Variants in ROBO2 observed in about 807,000 individuals in gnomAD.
ROBO2 encodes the protein roundabout homolog 2.
Under a neutral mutation model 160.8 loss-of-function variants are expected in ROBO2, and 53 were observed. That is an observed-to-expected ratio of 0.33 (90% CI 0.26 to 0.41). ROBO2 has a LOEUF of 0.41. ROBO2 is among the 10% of genes least tolerant of loss of function. The pLI, the probability that ROBO2 is intolerant of heterozygous loss-of-function variation, is 1.00. For synonymous variants in ROBO2, 664 were observed against 611.7 expected (o/e 1.09, Z -1.26); for missense variants, 1,577 against 1,722.4 (o/e 0.92, Z 1.49).
intron 13 of ROBO2, among the ~76,000 whole-genome samples, chr3:77,569,408 G>T (rs751069232): frequency 6.6e-6 from 1 of 151,770 alleles, no homozygotes. Flanking sequence ...GTTTTGATTT[G>T]CATTTCTTTA....
chr3:76,976,370 G>A (rs2059817161), intron 2 of ROBO2, among the ~76,000 whole-genome samples: 3 of 152,244 alleles, frequency 2.0e-5, no homozygotes, highest in Admixed American at 6.5e-5. Flanking sequence ...GCCCACAGAT[G>A]CTCATTGTCA....
At chr3:76,787,263 T>G (rs575382120) in intron 2 of ROBO2, among the ~76,000 whole-genome samples, 2 of 151,090 alleles carry the variant, frequency 1.3e-5, no homozygotes, top group African/African-American at 2.4e-5. Context: ...ATCTGAATTT[T>G]TATAATCTTC....
chr3:76,297,306 C>G (rs544041387), intron 2 of ROBO2, among the ~76,000 whole-genome samples: 2 of 152,264 alleles, frequency 1.3e-5, no homozygotes, highest in East Asian at 3.9e-4. Flanking sequence ...GTTAACACAC[C>G]TACTTGGAGA....
intron 2 of ROBO2, among the ~76,000 whole-genome samples, chr3:76,568,329 G>A (rs917385943): frequency 1.3e-4 from 19 of 151,700 alleles, no homozygotes; most frequent in Admixed American, 4.6e-4. Flanking sequence ...GCGGAGTCTC[G>A]CTCTGTCACC....
At chr3:76,613,100 T>C (rs577686404) in intron 2 of ROBO2, among the ~76,000 whole-genome samples, 1 of 152,296 alleles carries the variant, frequency 6.6e-6, no homozygotes, top group East Asian at 1.9e-4. Context: ...AGTCCATAGA[T>C]ATTCAATGTC....
intron 2 of ROBO2, among the ~76,000 whole-genome samples, chr3:76,312,796 A>G (rs1386964744): frequency 6.6e-6 from 1 of 152,246 alleles, no homozygotes; most frequent in Non-Finnish European, 1.5e-5. Flanking sequence ...AAACTTAAGC[A>G]GTAAACTTTG....
chr3:75,921,659 G>T (rs1947063553), intron 1 of ROBO2, among the ~76,000 whole-genome samples: 1 of 152,120 alleles, frequency 6.6e-6, no homozygotes, highest in South Asian at 2.1e-4. Flanking sequence ...AGATGTGCAT[G>T]TACACAAGTG....
intron 2 of ROBO2, among the ~76,000 whole-genome samples, chr3:76,174,726 C>G (rs558537990): frequency 1.3e-5 from 2 of 152,156 alleles, no homozygotes; most frequent in Non-Finnish European, 2.9e-5. Flanking sequence ...GTCTATATAT[C>G]TGTTTTGGTA....
At position 77,097,416 on chromosome 3, in the gene ROBO2, A is replaced by G. The variant is rs141236188; in HGVS notation, c.62-598A>G. ...TCTATGCAGCGTATTGCATTTTAAC[A>G]TACGGATTTATACTTGAGCTCTTCA... On this transcript the variant is annotated intron_variant, in intron 1 of 25. Coordinates refer to ENST00000461745, the Ensembl canonical transcript of ROBO2. 3.2e-4 allele frequency among the ~76,000 whole-genome samples: 48 copies of G among 152,214 alleles called. 1 individual carries two copies. The East Asian group carries it at 9.3e-3, about 29-fold the overall frequency.
At chr3:77,135,168 A>G (rs1230080085) in intron 2 of ROBO2, among the ~76,000 whole-genome samples, 2 of 152,150 alleles carry the variant, frequency 1.3e-5, no homozygotes, top group African/African-American at 4.8e-5. Flanking sequence ...CAAAACTCCT[A>G]TGCTGCGATT....
At chr3:77,467,610 T>TCTAG (rs1418227041) in intron 2 of ROBO2, among the ~76,000 whole-genome samples, 1 of 150,504 alleles carries the variant, frequency 6.6e-6, no homozygotes, top group Non-Finnish European at 1.5e-5. Flanking sequence ...TATCTATCTA[T>TCTAG]CTATCTATCT....
intron 2 of ROBO2, among the ~76,000 whole-genome samples, chr3:76,449,623 A>G (rs989590194): frequency 6.6e-6 from 1 of 152,148 alleles, no homozygotes; most frequent in Non-Finnish European, 1.5e-5. Context: ...TTAGAATTGT[A>G]TACATATCAA....
intron 2 of ROBO2, among the ~76,000 whole-genome samples, chr3:77,446,124 G>T (rs545512000): frequency 1.6e-4 from 24 of 152,074 alleles, no homozygotes; most frequent in African/African-American, 5.5e-4. Context: ...AGCAAAATTT[G>T]TATTGATTTT....
chr3:76,896,600 C>A (rs1304715246), intron 2 of ROBO2, among the ~76,000 whole-genome samples: 1 of 151,836 alleles, frequency 6.6e-6, no homozygotes, highest in Non-Finnish European at 1.5e-5. Context: ...TGAGAATGTC[C>A]GGTTCAGTTA....
intron 2 of ROBO2, among the ~76,000 whole-genome samples, chr3:77,231,084 G>A (rs1485422016): frequency 6.6e-6 from 1 of 151,956 alleles, no homozygotes; most frequent in African/African-American, 2.4e-5. Context: ...ATCCTTCTAG[G>A]CCCATTGCGG....
rs539700889 is a variant in ROBO2, at chr3:76,963,350, C to A, written c.110-134664C>A. On this transcript the variant is annotated intron_variant, in intron 2 of 26. Transcript: ENST00000487694. ...TAAAGAGTTCTGATAGAAAATAATA[C>A]AGAAATAATTTTAAATGAAAATCTT... Among the ~76,000 whole-genome samples the A allele has an allele frequency of 1.8e-4, 27 of 152,116 alleles. No homozygotes were observed. In the South Asian group the frequency reaches 4.6e-3, roughly 26 times the overall value.
rs200926445 is a variant in ROBO2, at chr3:77,636,449, G to C, written c.3934+1406G>C. 1.6e-4 allele frequency among the ~76,000 whole-genome samples: 25 copies of C among 152,082 alleles called. No homozygotes were observed. In the East Asian group the frequency reaches 4.3e-3, roughly 26 times the overall value. On this transcript the variant is annotated intron_variant, in intron 24 of 25. Coordinates refer to ENST00000461745, the Ensembl canonical transcript of ROBO2. ...TCTACTAAAAGTACAAAAATTAGCTGGGCGTGGTTGCACGTGCCTGTAATC... is the reference window on the plus strand; with the variant it reads ...TCTACTAAAAGTACAAAAATTAGCTCGGCGTGGTTGCACGTGCCTGTAATC...
At chr3:75,994,159 G>A (rs3849472) in intron 2 of ROBO2, among the ~76,000 whole-genome samples, 70 of 152,076 alleles carry the variant, frequency 4.6e-4, no homozygotes, top group African/African-American at 1.6e-3. Context: ...ACTTTAGGGG[G>A]TCCACACCAA....
At chr3:77,401,274 AAACTC>A (rs2075773338) in intron 2 of ROBO2, among the ~76,000 whole-genome samples, 1 of 151,666 alleles carries the variant, frequency 6.6e-6, no homozygotes, top group Admixed American at 6.6e-5. Context: ...AAAAAAAAAA[AAACTC>A]AAAGAGGGGA....
Sources: gnomAD v4.1 joint callset for allele counts (sites outside exome capture counted in the v4.1 genomes callset) on GRCh38, gnomAD v4.1.1 for gene constraint, MANE v1.5 for transcripts, NCBI Gene and HGNC (gene_info 2026-07-23, HGNC 2026-07-21) for gene names.